HS3ST4: variants seen among roughly 807,000 people sequenced by gnomAD.
HS3ST4 encodes heparan sulfate glucosamine 3-O-sulfotransferase 4.
HS3ST4 carries 17 observed loss-of-function variants against 29.2 expected under a neutral mutation model. The observed-to-expected ratio is 0.58, with a 90% CI of 0.40 to 0.87. HS3ST4 has a LOEUF of 0.87. Among genes scored for constraint, HS3ST4 ranks in the 40% least tolerant of loss-of-function variants. The pLI is 0.00. For synonymous variants in HS3ST4, 314 were observed against 285.7 expected (o/e 1.10, Z -1.00); for missense variants, 627 against 634.5 (o/e 0.99, Z 0.13).
chr16:25,913,053 G>A (rs1429072675), intron 1 of HS3ST4, among the ~76,000 whole-genome samples: 1 of 152,178 alleles, frequency 6.6e-6, no homozygotes, highest in South Asian at 2.1e-4. Context: ...TAAAAGATGC[G>A]ACAACTTGCG....
At chr16:26,011,474 T>C (rs1428136274) in intron 1 of HS3ST4, among the ~76,000 whole-genome samples, 1 of 152,130 alleles carries the variant, frequency 6.6e-6, no homozygotes, top group Non-Finnish European at 1.5e-5. Context: ...ACACTAGAAG[T>C]GCTTGAACGC....
intron 1 of HS3ST4, among the ~76,000 whole-genome samples, chr16:25,709,086 CTT>C (rs75953326): frequency 1.9e-4 from 27 of 142,340 alleles, no homozygotes; most frequent in East Asian, 2.1e-4. Context: ...TTGGGGATAT[CTT>C]TTTTTTTTTT....
intron 1 of HS3ST4, among the ~76,000 whole-genome samples, chr16:26,001,434 T>C (rs1969210940): frequency 6.6e-6 from 1 of 152,192 alleles, no homozygotes; most frequent in African/African-American, 2.4e-5. Context: ...GTTTTTTTTG[T>C]ATTATGTTTA....
At chr16:26,083,713 A>T (rs1898751302) in intron 1 of HS3ST4, among the ~76,000 whole-genome samples, 2 of 152,140 alleles carry the variant, frequency 1.3e-5, no homozygotes, top group Non-Finnish European at 2.9e-5. Flanking sequence ...TGACATTCTT[A>T]TATTCTAGTC....
intron 1 of HS3ST4, among the ~76,000 whole-genome samples, chr16:25,898,444 C>T (rs770859408): frequency 6.6e-6 from 1 of 152,298 alleles, no homozygotes; most frequent in South Asian, 2.1e-4. Flanking sequence ...CCAAACTTTC[C>T]CTTCTTGCAG....
At chr16:25,838,737 C>T (rs990854283) in intron 1 of HS3ST4, among the ~76,000 whole-genome samples, 1 of 152,162 alleles carries the variant, frequency 6.6e-6, no homozygotes, top group Non-Finnish European at 1.5e-5. Context: ...ATAGGTCCAG[C>T]CCACTGAGAT....
intron 1 of HS3ST4, among the ~76,000 whole-genome samples, chr16:25,913,978 G>A (rs973657588): frequency 1.5e-4 from 22 of 149,188 alleles, no homozygotes; most frequent in African/African-American, 5.2e-4. Flanking sequence ...AGATGTGTAT[G>A]TGGTGTGTGT....
intron 1 of HS3ST4, among the ~76,000 whole-genome samples, chr16:25,772,515 G>A (rs2141611491): frequency 6.6e-6 from 1 of 152,236 alleles, no homozygotes; most frequent in South Asian, 2.1e-4. Context: ...AGTTTTAATG[G>A]GTTGATCCAA....
chr16:25,758,448 C>A (rs1966770314), intron 1 of HS3ST4, among the ~76,000 whole-genome samples: 2 of 152,164 alleles, frequency 1.3e-5, no homozygotes, highest in South Asian at 4.1e-4. Flanking sequence ...TGTCATCGAA[C>A]CAAGTCTGCT....
intron 1 of HS3ST4, among the ~76,000 whole-genome samples, chr16:26,071,337 G>A (rs1898602169): frequency 6.6e-6 from 1 of 152,142 alleles, no homozygotes; most frequent in African/African-American, 2.4e-5. Context: ...GTGCGGGGTT[G>A]TGGTGAAAAG....
chr16:25,780,036 G>T (rs940225280), intron 1 of HS3ST4, among the ~76,000 whole-genome samples: 1 of 152,176 alleles, frequency 6.6e-6, no homozygotes, highest in Non-Finnish European at 1.5e-5. Context: ...GAGGCAAGCG[G>T]GCGCACAAGT....
At chr16:25,875,551 A>G (rs769062786) in intron 1 of HS3ST4, among the ~76,000 whole-genome samples, 1 of 152,100 alleles carries the variant, frequency 6.6e-6, no homozygotes, top group Admixed American at 6.6e-5. Flanking sequence ...AATGAGTAGA[A>G]TCAATTTCTA....
chr16:25,961,815 A>AG (rs1968795539), intron 1 of HS3ST4, among the ~76,000 whole-genome samples: 4 of 119,446 alleles, frequency 3.3e-5, no homozygotes. Flanking sequence ...ACAAAAAAAA[A>AG]TTAATGACCT....
intron 1 of HS3ST4, among the ~76,000 whole-genome samples, chr16:25,916,100 A>G (rs1177597124): frequency 1.3e-5 from 2 of 152,246 alleles, no homozygotes; most frequent in African/African-American, 4.8e-5. Context: ...AGACAACCAC[A>G]GAACTCATGA....
chr16:26,016,084 C>A (rs990689722), intron 1 of HS3ST4, among the ~76,000 whole-genome samples: 1 of 152,196 alleles, frequency 6.6e-6, no homozygotes, highest in Non-Finnish European at 1.5e-5. Context: ...GAAAAACTCT[C>A]TGTTAGAGTA....
At chr16:25,761,679 T>C (rs1177623628) in intron 1 of HS3ST4, among the ~76,000 whole-genome samples, 3 of 152,198 alleles carry the variant, frequency 2.0e-5, no homozygotes, top group Non-Finnish European at 2.9e-5. Context: ...GCAGAGCATG[T>C]GCACACTCAT....
At position 25,980,744 on chromosome 16, in the gene HS3ST4, T is replaced by A. The variant is rs936562460; in HGVS notation, c.735-154868T>A. 2.0e-5 allele frequency among the ~76,000 whole-genome samples: 3 copies of A among 152,252 alleles called. No homozygotes were observed. The East Asian group carries it at 5.8e-4, about 29-fold the overall frequency. ...TAAAACACAGACAAGGAAATGACTGTCATGAAGGCAGATGCTTACACTCAC... is the reference window on the plus strand; with the variant it reads ...TAAAACACAGACAAGGAAATGACTGACATGAAGGCAGATGCTTACACTCAC... On this transcript the variant is annotated intron_variant, in intron 1 of 1. Transcript: ENST00000331351.
intron 1 of HS3ST4, among the ~76,000 whole-genome samples, chr16:25,789,389 C>G (rs904269476): frequency 6.8e-6 from 1 of 146,756 alleles, no homozygotes; most frequent in African/African-American, 2.6e-5. Flanking sequence ...TTCTTTCTTT[C>G]TCTTTCTTTG....
At chr16:25,929,690 C>A (rs780610140) in intron 1 of HS3ST4, among the ~76,000 whole-genome samples, 19 of 152,190 alleles carry the variant, frequency 1.2e-4, no homozygotes, top group Non-Finnish European at 2.4e-4. Context: ...CACAGGTGAC[C>A]ATCTAGAAGG....
Sources: gnomAD v4.1 joint callset for allele counts (sites outside exome capture counted in the v4.1 genomes callset) on GRCh38, gnomAD v4.1.1 for gene constraint, MANE v1.5 for transcripts, NCBI Gene and HGNC (gene_info 2026-07-23, HGNC 2026-07-21) for gene names.